Variants in KIAA1328 observed in about 807,000 individuals in gnomAD.
KIAA1328 encodes KIAA1328.
Under a neutral mutation model 68.1 loss-of-function variants are expected in KIAA1328, and 52 were observed. The ratio of observed to expected loss-of-function variants is 0.76; its 90% confidence interval spans 0.61 to 0.96. KIAA1328 has a LOEUF of 0.96. Among genes scored for constraint, KIAA1328 ranks in the 40% least tolerant of loss-of-function variants. KIAA1328 has a pLI of 0.00. For missense variants in KIAA1328, 641 were observed against 677.6 expected, an observed-to-expected ratio of 0.95 and a Z score of 0.60; for synonymous variants, 232 against 239.4, an observed-to-expected ratio of 0.97 and a Z score of 0.28.
At chr18:36,976,732 C>A (rs1463595206) in intron 6 of KIAA1328, among the ~76,000 whole-genome samples, 1 of 152,000 alleles carries the variant, frequency 6.6e-6, no homozygotes. Context: ...TTCTCAAATA[C>A]CTGCGTAGAT....
At chr18:37,124,286 C>T (rs1187297027) in intron 7 of KIAA1328, among the ~76,000 whole-genome samples, 2 of 152,126 alleles carry the variant, frequency 1.3e-5, no homozygotes, top group Non-Finnish European at 2.9e-5. Context: ...GTTGCTCAAG[C>T]AAATAATTTT....
intron 6 of KIAA1328, among the ~76,000 whole-genome samples, chr18:37,003,578 G>A (rs745443617): frequency 6.6e-6 from 1 of 152,074 alleles, no homozygotes; most frequent in African/African-American, 2.4e-5. Context: ...CTGTGCAGAA[G>A]CTCTTTAGTT....
At chr18:37,028,471 GAA>G (rs1469610488) in intron 6 of KIAA1328, among the ~76,000 whole-genome samples, 7 of 151,622 alleles carry the variant, frequency 4.6e-5, no homozygotes, top group Non-Finnish European at 1.5e-5. Context: ...TATAGTCTGT[GAA>G]AAGAGATAGT....
At chr18:37,065,709 C>T (rs1356012521) in intron 6 of KIAA1328, among the ~76,000 whole-genome samples, 1 of 152,174 alleles carries the variant, frequency 6.6e-6, no homozygotes, top group Non-Finnish European at 1.5e-5. Flanking sequence ...ACATTAATAT[C>T]TTTCATTATT....
rs1457007354 is a variant in KIAA1328 at position 37,167,573 on chromosome 18, A to G, written c.1415-5400A>G. Among the ~76,000 whole-genome samples the G allele has an allele frequency of 2.6e-5, 4 of 151,930 alleles. No individual in the cohort carries two copies. In the South Asian group the frequency reaches 6.3e-4, roughly 24 times the overall value. ...GCTGTCTGCATCGTTCCACCGGTCA[A>G]TGGCCTGCCAGTGTCTGCTGGTGCC... On this transcript the variant is annotated intron_variant, in intron 8 of 9. Transcript: ENST00000280020.
intron 7 of KIAA1328, among the ~76,000 whole-genome samples, chr18:37,111,195 G>C (rs571686658): frequency 2.6e-5 from 4 of 152,308 alleles, no homozygotes; most frequent in South Asian, 4.1e-4. Flanking sequence ...AGGCATGTCT[G>C]AATCCATAGG....
At chr18:36,968,076 CTGGTA>C (rs2052017395) in intron 6 of KIAA1328, among the ~76,000 whole-genome samples, 1 of 152,014 alleles carries the variant, frequency 6.6e-6, no homozygotes, top group Non-Finnish European at 1.5e-5. Flanking sequence ...ACCACCAGAC[CTGGTA>C]CCTGGTACCA....
intron 6 of KIAA1328, among the ~76,000 whole-genome samples, chr18:37,024,139 C>T (rs1465325462): frequency 2.0e-5 from 3 of 152,006 alleles, no homozygotes; most frequent in Admixed American, 6.6e-5. Context: ...GGGACAGACA[C>T]ATTCCACCAT....
At chr18:37,108,796 T>C (rs949775294) in intron 7 of KIAA1328, among the ~76,000 whole-genome samples, 2 of 152,166 alleles carry the variant, frequency 1.3e-5, no homozygotes, top group African/African-American at 4.8e-5. Context: ...TTTATTATTA[T>C]ACTTTAAGTT....
chr18:37,028,852 G>A (rs964997934), intron 6 of KIAA1328, among the ~76,000 whole-genome samples: 6 of 152,156 alleles, frequency 3.9e-5, no homozygotes, highest in African/African-American at 1.4e-4. Context: ...AACCAACCTT[G>A]TATTTCAGTA....
chr18:37,196,036 TA>T (rs901415213), intron 9 of KIAA1328, among the ~76,000 whole-genome samples: 38 of 152,220 alleles, frequency 2.5e-4, no homozygotes, highest in African/African-American at 8.2e-4. Flanking sequence ...AATTTATTCC[TA>T]TTTTTTTGTA....
chr18:36,829,165 C>T lies in KIAA1328; in HGVS notation c.27C>T (p.Arg9=). 2 of 1,533,550 alleles carry T rather than the reference C, an allele frequency of 1.3e-6. No individual in the cohort carries two copies. Among genetic ancestry groups the T allele is most frequent in the Non-Finnish European group, 1.8e-6 (2 of 1,142,388 alleles). 95.0% of individuals were successfully genotyped at this position (1,533,550 alleles called of 1,614,324 possible). A position where few individuals can be genotyped will look rare whatever the true frequency, so the allele number is the denominator to read the frequency against. Residue 9 remains arginine, a synonymous_variant, in exon 1 of 10, where the codon CGC becomes CGT. Coordinates refer to ENST00000280020, the MANE Select transcript of KIAA1328 (RefSeq NM_020776.3). MADVAGPS[R]PSAAAFWSRD... ...TGGCGGACGTGGCGGGCCCCTCCCG[C>T]CCCAGTGCCGCGGCGTTCTGGAGCC...
chr18:36,900,107 C>G (rs907638971), intron 5 of KIAA1328, among the ~76,000 whole-genome samples: 1 of 151,852 alleles, frequency 6.6e-6, no homozygotes, highest in Non-Finnish European at 1.5e-5. Context: ...TTCTTAGCCT[C>G]TCTCCGAAAA....
At chr18:37,107,009 C>A (rs895603922) in intron 7 of KIAA1328, among the ~76,000 whole-genome samples, 5 of 152,058 alleles carry the variant, frequency 3.3e-5, no homozygotes, top group Non-Finnish European at 7.3e-5. Flanking sequence ...TTAGGGAGGC[C>A]GATGCGGGCA....
chr18:36,849,406 A>G (rs1358196925), intron 4 of KIAA1328, among the ~76,000 whole-genome samples: 1 of 152,010 alleles, frequency 6.6e-6, no homozygotes, highest in African/African-American at 2.4e-5. Context: ...CTATCTGTTC[A>G]CCAGTTACTC....
chr18:37,221,344 C>A (rs2060559164), intron 9 of KIAA1328, among the ~76,000 whole-genome samples: 1 of 152,214 alleles, frequency 6.6e-6, no homozygotes, highest in African/African-American at 2.4e-5. Flanking sequence ...TTAATCCTAA[C>A]TGGAGTTTTG....
chr18:36,983,175 T>C (rs1332467004), intron 6 of KIAA1328, among the ~76,000 whole-genome samples: 2 of 152,028 alleles, frequency 1.3e-5, no homozygotes, highest in Non-Finnish European at 1.5e-5. Context: ...GCAGAGACTG[T>C]CAAATTGTAT....
intron 6 of KIAA1328, among the ~76,000 whole-genome samples, chr18:37,043,787 G>A (rs962216134): frequency 6.6e-6 from 1 of 152,120 alleles, no homozygotes; most frequent in African/African-American, 2.4e-5. Context: ...ACAGACTTGA[G>A]CATGTATTCC....
chr18:36,860,714 A>G (rs2047538293), intron 4 of KIAA1328, among the ~76,000 whole-genome samples: 1 of 152,200 alleles, frequency 6.6e-6, no homozygotes, highest in Non-Finnish European at 1.5e-5. Context: ...AAATAATTTT[A>G]AGCTTACAGA....
Sources: gnomAD v4.1 joint callset for allele counts (sites outside exome capture counted in the v4.1 genomes callset) on GRCh38, gnomAD v4.1.1 for gene constraint, MANE v1.5 for transcripts, NCBI Gene and HGNC (gene_info 2026-07-23, HGNC 2026-07-21) for gene names.